The following TAOK3 variants were observed in gnomAD, a reference collection of about 807,000 sequenced individuals.
TAOK3 encodes TAO kinase 3.
Under a neutral mutation model 120.4 loss-of-function variants are expected in TAOK3, and 40 were observed. That is an observed-to-expected ratio of 0.33 (90% CI 0.26 to 0.43). The LOEUF (loss-of-function observed/expected upper bound fraction) is 0.43. Among genes scored for constraint, TAOK3 ranks in the 20% least tolerant of loss-of-function variants. TAOK3 has a pLI of 1.00. For missense variants in TAOK3, 821 were observed against 1,112.1 expected (o/e 0.74, Z 3.72); for synonymous variants, 355 against 387.5 (o/e 0.92, Z 0.99).
At chr12:118,182,844 T>G (rs1214601686) in intron 14 of TAOK3, among the ~76,000 whole-genome samples, 1 of 152,018 alleles carries the variant, frequency 6.6e-6, no homozygotes, top group Non-Finnish European at 1.5e-5. Context: ...CTATGATTTT[T>G]GGAAGGCTAC....
intron 11 of TAOK3, among the ~76,000 whole-genome samples, chr12:118,206,280 C>T (rs2038306202): frequency 1.3e-5 from 2 of 152,256 alleles, no homozygotes; most frequent in Admixed American, 1.3e-4. Context: ...GAGCTTTGGA[C>T]TGCTTACGCC....
intron 1 of TAOK3, among the ~76,000 whole-genome samples, chr12:118,321,542 C>A (rs2043706947): frequency 6.6e-6 from 1 of 152,088 alleles, no homozygotes; most frequent in Non-Finnish European, 1.5e-5. Context: ...TTACAGCCAC[C>A]ACGCCTGGCT....
In TAOK3 at chr12:118,166,872, G is replaced by A. The variant is rs866415120; in HGVS notation, c.1900-4845C>T. On this transcript the variant is annotated intron_variant, in intron 17 of 20. Transcript: ENST00000392533. ...TACACACACACACACACACACACAC[G>A]TATAAGCCCTGGAGGGAGTGTGGGA... Among the ~76,000 whole-genome samples the A allele has an allele frequency of 4.3e-3, 446 of 104,288 alleles. 8 individuals carry two copies. The highest frequency in any genetic ancestry group is 0.014 in the Middle Eastern group (3 of 214). The allele number at this position is 104,288 out of a possible 152,430, so 68.4% of individuals were successfully genotyped here.
chr12:118,164,955 T>C (rs1190817743), intron 17 of TAOK3, among the ~76,000 whole-genome samples: 1 of 152,056 alleles, frequency 6.6e-6, no homozygotes, highest in Non-Finnish European at 1.5e-5. Context: ...ATTCAACAAG[T>C]AGTTATTGAG....
rs939931439 is a variant in TAOK3 at position 118,181,101 on chromosome 12, T to G, written c.1566+270A>C. Among the ~76,000 whole-genome samples the G allele has an allele frequency of 2.0e-5, 3 of 152,194 alleles. No individual in the cohort carries two copies. The South Asian group carries it at 6.2e-4, about 32-fold the overall frequency. On this transcript the variant is annotated intron_variant, in intron 15 of 20. Coordinates refer to ENST00000392533, the MANE Select transcript of TAOK3 (RefSeq NM_016281.4). ...CTCAGGTGATCTGCCTGCCTCGGCCTCCCAAAGTGCTGGGATTACAGGCGT... is the reference window on the plus strand; with the variant it reads ...CTCAGGTGATCTGCCTGCCTCGGCCGCCCAAAGTGCTGGGATTACAGGCGT...
intron 1 of TAOK3, among the ~76,000 whole-genome samples, chr12:118,350,272 A>G (rs557474721): frequency 1.6e-4 from 24 of 152,292 alleles, no homozygotes; most frequent in Non-Finnish European, 2.8e-4. Context: ...TGAGGGGTAC[A>G]TGGCCCAACA....
chr12:118,209,719 T>G (rs1413428268), intron 11 of TAOK3, among the ~76,000 whole-genome samples: 1 of 146,578 alleles, frequency 6.8e-6, no homozygotes, highest in Non-Finnish European at 1.5e-5. Context: ...TTCTTCTTCT[T>G]TTTTTTTTTT....
chr12:118,290,154 A>G (rs2042419535), intron 1 of TAOK3, among the ~76,000 whole-genome samples: 1 of 152,186 alleles, frequency 6.6e-6, no homozygotes, highest in Admixed American at 6.6e-5. Context: ...TCTCTAACTT[A>G]AAACCCTTTA....
At chr12:118,326,420 A>T (rs1000194501) in intron 1 of TAOK3, among the ~76,000 whole-genome samples, 7 of 152,164 alleles carry the variant, frequency 4.6e-5, no homozygotes, top group South Asian at 4.1e-4. Context: ...ATTTGAAGTC[A>T]GGTAATGTGA....
At position 118,150,874 on chromosome 12, in the gene TAOK3, G is replaced by C. The variant is rs2034340612; in HGVS notation, c.*123C>G. On this transcript the variant is annotated 3_prime_UTR_variant, in exon 21 of 21. Transcript: ENST00000392533. ...CACTAGTCCGACACGATGTCAGTAA[G>C]AGTAAGAGAGAGAGAGAGTGAGAGC... 9.7e-7 allele frequency: 1 copy of C among 1,034,180 alleles called. No individual in the cohort carries two copies. The highest frequency in any genetic ancestry group is 1.4e-6 in the Non-Finnish European group (1 of 727,332). 64.1% of individuals were successfully genotyped at this position (1,034,180 alleles called of 1,614,324 possible). A position where few individuals can be genotyped will look rare whatever the true frequency, so the allele number is the denominator to read the frequency against.
intron 1 of TAOK3, among the ~76,000 whole-genome samples, chr12:118,282,950 T>C (rs1229539037): frequency 1.3e-5 from 2 of 152,176 alleles, no homozygotes; most frequent in Non-Finnish European, 2.9e-5. Flanking sequence ...GTTCAAGCAA[T>C]AGGCAACCAC....
At chr12:118,231,453 G>A (rs751480495) in intron 9 of TAOK3, among the ~76,000 whole-genome samples, 5 of 151,072 alleles carry the variant, frequency 3.3e-5, no homozygotes, top group Non-Finnish European at 7.4e-5. Flanking sequence ...TTGTTTTGTC[G>A]GAAGGGGTCA....
At chr12:118,333,817 C>T (rs1049785915) in intron 1 of TAOK3, among the ~76,000 whole-genome samples, 2 of 150,246 alleles carry the variant, frequency 1.3e-5, no homozygotes, top group African/African-American at 4.9e-5. Context: ...TTCAGCAGTC[C>T]AGTTCTGGGT....
intron 1 of TAOK3, among the ~76,000 whole-genome samples, chr12:118,353,423 T>C (rs927051691): frequency 1.3e-5 from 2 of 151,858 alleles, no homozygotes; most frequent in African/African-American, 4.8e-5. Flanking sequence ...ACAGAAAGAA[T>C]AGGCCCAAGA....
rs1281533727 is a variant in TAOK3, at chr12:118,255,551, A to G, written c.17T>C (p.Leu6Pro). Reference sequence around the variant, plus strand: ...TAGATCGGCAATCTCTGGGTCCTTCAGCACCCCTTTACGCATGATGGCCAG... The same window carrying G: ...TAGATCGGCAATCTCTGGGTCCTTCGGCACCCCTTTACGCATGATGGCCAG... MRKGV[L>P]KDPEIADLFY... is the part of the protein sequence containing the mutation. The change falls in exon 3 of 21, where the codon CTG (leucine) becomes CCG (proline). Residue 6 changes from leucine (L) to proline (P), a missense_variant. Leu to Pro is a moderately conservative substitution (Grantham distance 98). Around this residue, in one of 2 missense-constraint regions of TAOK3, gnomAD observed 467 missense variants for 540.0 expected, o/e 0.86. Transcript: ENST00000392533. 9.9e-6 allele frequency: 16 copies of G among 1,613,944 alleles called. No individual in the cohort carries two copies. The highest frequency in any genetic ancestry group is 2.2e-5 in the East Asian group (1 of 44,892).
chr12:118,208,853 C>G (rs891777268), intron 11 of TAOK3, among the ~76,000 whole-genome samples: 14 of 151,850 alleles, frequency 9.2e-5, no homozygotes, highest in Admixed American at 9.2e-4. Context: ...CTGGGATTAT[C>G]GACGCATGCC....
intron 9 of TAOK3, among the ~76,000 whole-genome samples, chr12:118,220,432 C>A (rs2039173050): frequency 6.6e-6 from 1 of 151,706 alleles, no homozygotes; most frequent in African/African-American, 2.4e-5. Flanking sequence ...TACAAAATTA[C>A]AAAAATGACT....
intron 11 of TAOK3, among the ~76,000 whole-genome samples, chr12:118,209,870 C>A (rs1220055588): frequency 6.6e-6 from 1 of 151,834 alleles, no homozygotes; most frequent in Non-Finnish European, 1.5e-5. Context: ...CATGCCACTG[C>A]ACCTGGCTAA....
intron 9 of TAOK3, among the ~76,000 whole-genome samples, chr12:118,217,893 G>A (rs1297464319): frequency 1.9e-4 from 19 of 101,552 alleles, no homozygotes; most frequent in East Asian, 1.0e-3. Flanking sequence ...ACGGAGTCTC[G>A]CTCTGTCACC....
Sources: gnomAD v4.1 joint callset for allele counts (sites outside exome capture counted in the v4.1 genomes callset) on GRCh38, gnomAD v4.1.1 for gene constraint, gnomAD v4.1.1 regional missense constraint, MANE v1.5 for transcripts, NCBI Gene and HGNC (gene_info 2026-07-23, HGNC 2026-07-21) for gene names.